The following NEBL variants were observed in gnomAD, a reference collection of about 807,000 sequenced individuals.
The protein encoded by NEBL is LIM and SH3 protein 2.
In NEBL, 122 loss-of-function variants were observed where a neutral mutation model predicts 140.2. That is an observed-to-expected ratio of 0.87 (90% CI 0.75 to 1.01). NEBL has a LOEUF of 1.01. Ranked by LOEUF, NEBL falls within the 50% of genes least tolerant of loss-of-function variation. The pLI is 0.00. For missense variants in NEBL, 1,365 were observed against 1,231.3 expected (o/e 1.11, Z -1.62); for synonymous variants, 436 against 398.9 (o/e 1.09, Z -1.11).
At chr10:21,190,352 G>C (rs969785862) in intron 3 of NEBL, among the ~76,000 whole-genome samples, 24 of 152,124 alleles carry the variant, frequency 1.6e-4, no homozygotes, top group African/African-American at 5.6e-4. Context: ...AGGCATGGTG[G>C]TGCATGCCTT....
At chr10:20,857,388 C>T (rs1002930524) in intron 9 of NEBL, among the ~76,000 whole-genome samples, 1 of 152,124 alleles carries the variant, frequency 6.6e-6, no homozygotes, top group South Asian at 2.1e-4. Flanking sequence ...CATTTTTTCT[C>T]ATGTCTTCCC....
At chr10:20,838,529 C>T (rs1389520359) in intron 13 of NEBL, among the ~76,000 whole-genome samples, 1 of 152,128 alleles carries the variant, frequency 6.6e-6, no homozygotes, top group Non-Finnish European at 1.5e-5. Flanking sequence ...GAAATAACAA[C>T]AAAAGATTTA....
intron 4 of NEBL, among the ~76,000 whole-genome samples, chr10:20,907,008 C>A (rs972983978): frequency 6.6e-6 from 1 of 152,130 alleles, no homozygotes; most frequent in Non-Finnish European, 1.5e-5. Context: ...CAACTCAATT[C>A]CAACTAGCCA....
intron 3 of NEBL, among the ~76,000 whole-genome samples, chr10:21,182,713 C>G (rs1327239103): frequency 7.2e-5 from 11 of 152,104 alleles, no homozygotes; most frequent in Non-Finnish European, 1.2e-4. Context: ...AAATGTGAGC[C>G]ACATGTGTAA....
chr10:20,793,143 T>C (rs2131647701), intron 26 of NEBL, among the ~76,000 whole-genome samples: 1 of 152,282 alleles, frequency 6.6e-6, no homozygotes, highest in East Asian at 1.9e-4. Context: ...TTATAAGCTC[T>C]GAATAGGGAA....
intron 2 of NEBL, among the ~76,000 whole-genome samples, chr10:21,133,955 G>T (rs1839231618): frequency 6.6e-6 from 1 of 152,174 alleles, no homozygotes; most frequent in Non-Finnish European, 1.5e-5. Flanking sequence ...GGGCACAGTG[G>T]CTTACTTACG....
At chr10:21,003,399 C>T (rs968294817) in intron 3 of NEBL, among the ~76,000 whole-genome samples, 5 of 152,210 alleles carry the variant, frequency 3.3e-5, no homozygotes, top group Admixed American at 6.5e-5. Context: ...GCCAACACCT[C>T]GCCTGCCCCA....
Position 20,852,531 on chromosome 10 carries a change from G to A in NEBL, c.1008+14C>T, listed in dbSNP as rs369037243. The A allele has an allele frequency of 3.3e-5, 53 of 1,591,606 alleles. No individual in the cohort carries two copies. Among genetic ancestry groups the A allele is most frequent in the African/African-American group, 3.1e-4 (23 of 74,484 alleles). ...CTGGCAGGGAGGGTAGGTACCGTAC[G>A]GGCAAGTGTGTACCTGACTTTGGAG... is the stretch of plus-strand genomic sequence containing the variant. On this transcript the variant is annotated intron_variant, in intron 10 of 27. Coordinates refer to ENST00000377122, the MANE Select transcript of NEBL (RefSeq NM_006393.3).
chr10:20,826,413 T>C, intron 18 of NEBL, 34 bp downstream of exon 18: 1 of 1,542,100 alleles, frequency 6.5e-7, no homozygotes, highest in South Asian at 1.1e-5. Flanking sequence ...TGGTTTGCTT[T>C]TAGAAAAGAT....
intron 2 of NEBL, among the ~76,000 whole-genome samples, chr10:21,115,012 T>A (rs1417907115): frequency 6.6e-6 from 1 of 152,062 alleles, no homozygotes; most frequent in African/African-American, 2.4e-5. Context: ...AATTAAGTGT[T>A]TTTTATGATT....
At chr10:21,156,643 A>C (rs567060537) in intron 2 of NEBL, among the ~76,000 whole-genome samples, 2 of 152,124 alleles carry the variant, frequency 1.3e-5, no homozygotes, top group Admixed American at 6.6e-5. Flanking sequence ...AAAAATGGCA[A>C]TTACAAAAGT....
intron 1 of NEBL, among the ~76,000 whole-genome samples, chr10:21,284,545 T>A (rs901833443): frequency 6.6e-6 from 1 of 152,244 alleles, no homozygotes; most frequent in Non-Finnish European, 1.5e-5. Context: ...TTGTTTGATA[T>A]ATTTGACCTG....
At chr10:21,039,295 T>C (rs149307370) in intron 2 of NEBL, among the ~76,000 whole-genome samples, 211 of 152,292 alleles carry the variant, frequency 1.4e-3, no homozygotes, top group African/African-American at 4.5e-3. Flanking sequence ...CATGAAGTCT[T>C]TGCCTATCCC....
At chr10:21,193,807 T>C (rs1448426927) in intron 3 of NEBL, among the ~76,000 whole-genome samples, 2 of 152,194 alleles carry the variant, frequency 1.3e-5, no homozygotes, top group East Asian at 3.9e-4. Context: ...GCCATGTTTA[T>C]TTGTTGTTGT....
chr10:21,039,419 G>A (rs934814838), intron 2 of NEBL, among the ~76,000 whole-genome samples: 1 of 152,106 alleles, frequency 6.6e-6, no homozygotes, highest in African/African-American at 2.4e-5. Flanking sequence ...GTAAGGACGG[G>A]TCCAGTTTCT....
chr10:20,909,036 A>G (rs1848218279), intron 4 of NEBL, among the ~76,000 whole-genome samples: 1 of 151,936 alleles, frequency 6.6e-6, no homozygotes, highest in Admixed American at 6.6e-5. Context: ...CACAGTAGGT[A>G]TATATATTTA....
intron 3 of NEBL, among the ~76,000 whole-genome samples, chr10:21,002,303 T>G (rs920326450): frequency 1.3e-5 from 2 of 152,170 alleles, no homozygotes; most frequent in African/African-American, 4.8e-5. Flanking sequence ...AAACGTCATA[T>G]AGAATTGCAG....
chr10:20,796,390 A>C (rs1328287360), intron 26 of NEBL, among the ~76,000 whole-genome samples: 1 of 150,240 alleles, frequency 6.7e-6, no homozygotes, highest in East Asian at 2.0e-4. Context: ...AAAAAAAAAA[A>C]AAAACTTCTC....
At chr10:20,920,803 C>T (rs562301883) in intron 4 of NEBL, among the ~76,000 whole-genome samples, 1 of 151,902 alleles carries the variant, frequency 6.6e-6, no homozygotes, top group Non-Finnish European at 1.5e-5. Context: ...CAAACTCTAC[C>T]ATTTGAAATC....
Sources: gnomAD v4.1 joint callset for allele counts (sites outside exome capture counted in the v4.1 genomes callset) on GRCh38, gnomAD v4.1.1 for gene constraint, MANE v1.5 for transcripts, NCBI Gene and HGNC (gene_info 2026-07-23, HGNC 2026-07-21) for gene names.